ASH1L: variants seen among roughly 807,000 people sequenced by gnomAD.
ASH1L encodes ASH1 like histone lysine methyltransferase.
In ASH1L, 23 loss-of-function variants were observed where a neutral mutation model predicts 269.0. The observed-to-expected ratio is 0.09, with a 90% CI of 0.06 to 0.12. The LOEUF is 0.12. ASH1L is among the 10% of genes least tolerant of loss of function. The pLI, the probability that ASH1L is intolerant of heterozygous loss-of-function variation, is 1.00. For synonymous variants in ASH1L, 1,187 were observed against 1,253.5 expected, an observed-to-expected ratio of 0.95 and a Z score of 1.12; for missense variants, 2,912 against 3,567.8, an observed-to-expected ratio of 0.82 and a Z score of 4.68.
At chr1:155,546,218 C>T (rs1470386304) in intron 1 of ASH1L, among the ~76,000 whole-genome samples, 1 of 148,776 alleles carries the variant, frequency 6.7e-6, no homozygotes, top group Non-Finnish European at 1.5e-5. Context: ...GTGGTCCCAG[C>T]TACGTGGTAG....
rs142371619 is a variant in ASH1L at position 155,357,629 on chromosome 1, G to A, written c.6916C>T (p.Arg2306Trp). 94 of 1,613,854 alleles carry A rather than the reference G, an allele frequency of 5.8e-5. No individual in the cohort carries two copies. The highest frequency in any genetic ancestry group is 2.2e-4 in the East Asian group (10 of 44,872). ...TTAGACTTTCTCTTCTCTTTTGACC[G>A]TCCAGATTTTTTGTGTGTGGCCATG... The part of the protein sequence containing the change: ...QPMATHKKSG[R>W]SKEKRKSKHK... The change falls in exon 14 of 28, where the codon CGG becomes TGG. Residue 2306 changes from arginine to tryptophan, a missense_variant. Physicochemically the swap from Arg to Trp is moderately radical, Grantham distance 101 (BLOSUM62 -3). Transcript: ENST00000392403.
intron 6 of ASH1L, among the ~76,000 whole-genome samples, chr1:155,401,724 G>C (rs1020067408): frequency 1.3e-5 from 2 of 151,936 alleles, no homozygotes; most frequent in African/African-American, 4.8e-5. Flanking sequence ...GGAGGTGGAG[G>C]TTACAGAAAG....
chr1:155,461,565 T>A (rs1429362318), intron 3 of ASH1L, among the ~76,000 whole-genome samples: 1 of 152,166 alleles, frequency 6.6e-6, no homozygotes, highest in Non-Finnish European at 1.5e-5. Context: ...GATGAGATAT[T>A]TCCATTAAAT....
chr1:155,352,320 AAGAC>A (rs1409965894), intron 17 of ASH1L, among the ~76,000 whole-genome samples: 2 of 151,130 alleles, frequency 1.3e-5, no homozygotes, highest in South Asian at 4.2e-4. Flanking sequence ...AAAAAAAAAA[AAGAC>A]AGAATGCAGA....
intron 2 of ASH1L, among the ~76,000 whole-genome samples, chr1:155,494,597 G>A (rs2148774763): frequency 6.6e-6 from 1 of 152,252 alleles, no homozygotes; most frequent in East Asian, 1.9e-4. Flanking sequence ...AATTAATTAG[G>A]CAATTAGGTT....
intron 12 of ASH1L, among the ~76,000 whole-genome samples, chr1:155,367,958 T>C (rs1039429978): frequency 1.3e-5 from 2 of 152,206 alleles, no homozygotes; most frequent in Non-Finnish European, 1.5e-5. Flanking sequence ...GCTAGTTTTA[T>C]AGAAGCAAAG....
intron 15 of ASH1L, among the ~76,000 whole-genome samples, chr1:155,355,728 G>C (rs776532260): frequency 1.3e-5 from 2 of 152,074 alleles, no homozygotes; most frequent in East Asian, 1.9e-4. Context: ...AACTCAAAGG[G>C]AAATAGAATG....
chr1:155,532,345 T>C (rs1221277162), intron 1 of ASH1L, among the ~76,000 whole-genome samples: 2 of 152,180 alleles, frequency 1.3e-5, no homozygotes, highest in South Asian at 2.1e-4. Context: ...TAATAGGACA[T>C]ATACATTGTA....
Position 155,561,274 on chromosome 1 carries a change from T to C in ASH1L, c.-100+879A>G, listed in dbSNP as rs540881710. 5.9e-3 allele frequency among the ~76,000 whole-genome samples: 869 copies of C among 148,538 alleles called. 8 individuals are homozygous for C. Among genetic ancestry groups the C allele is most frequent in the African/African-American group, 0.021 (841 of 40,974 alleles). Reference sequence around the variant, plus strand: ...CCACCCATTCTTTACAACTTTGTAGTAATGATTCTGTTAAAGATATTTTGG... The same window carrying C: ...CCACCCATTCTTTACAACTTTGTAGCAATGATTCTGTTAAAGATATTTTGG... On this transcript the variant is annotated intron_variant, in intron 1 of 27. Coordinates refer to ENST00000392403, the MANE Select transcript of ASH1L (RefSeq NM_018489.3).
At chr1:155,359,266 T>G (rs1654721367) in intron 13 of ASH1L, among the ~76,000 whole-genome samples, 1 of 152,130 alleles carries the variant, frequency 6.6e-6, no homozygotes, top group African/African-American at 2.4e-5. Context: ...GTGCCCAGGC[T>G]CCCATGTACT....
At position 155,547,078 on chromosome 1, in the gene ASH1L, G is replaced by A. The variant is rs539824203; in HGVS notation, c.-100+15075C>T. Reference sequence around the variant, plus strand: ...AGCAATTCTCCTGCCTCAGCCTCCCGAGTAACTGGGACTACAGGCATGTGC... The same window carrying A: ...AGCAATTCTCCTGCCTCAGCCTCCCAAGTAACTGGGACTACAGGCATGTGC... On this transcript the variant is annotated intron_variant, in intron 1 of 27. Coordinates refer to ENST00000392403, the MANE Select transcript of ASH1L (RefSeq NM_018489.3). Among the ~76,000 whole-genome samples, 7 of 144,934 alleles carry A rather than the reference G, an allele frequency of 4.8e-5. No individual in the cohort carries two copies. In the East Asian group the frequency reaches 6.5e-4, roughly 14 times the overall value.
intron 2 of ASH1L, among the ~76,000 whole-genome samples, chr1:155,490,234 G>A (rs1207440713): frequency 6.6e-6 from 1 of 151,816 alleles, no homozygotes; most frequent in Non-Finnish European, 1.5e-5. Context: ...AAAGTGCTGG[G>A]ATTACAGGTG....
At chr1:155,494,377 C>T (rs1029859702) in intron 2 of ASH1L, among the ~76,000 whole-genome samples, 3 of 151,964 alleles carry the variant, frequency 2.0e-5, no homozygotes, top group Non-Finnish European at 4.4e-5. Flanking sequence ...GGAAGCCATT[C>T]GAAGATTTTA....
Position 155,357,730 on chromosome 1 carries a change from A to G in ASH1L, c.6815T>C (p.Phe2272Ser). The G allele has an allele frequency of 6.2e-7, 1 of 1,612,788 alleles. No individual in the cohort carries two copies. Among genetic ancestry groups the G allele is most frequent in the Non-Finnish European group, 8.5e-7 (1 of 1,179,682 alleles). ...TCCGATGATTCCTCGACATTTCTCAAAGCCACACTTACAAAGTTGCTTTGA... is the reference window on the plus strand; with the variant it reads ...TCCGATGATTCCTCGACATTTCTCAGAGCCACACTTACAAAGTTGCTTTGA... ...VEKQQLCKCG[F>S]EKCRGIIGGK... Residue 2272 changes from phenylalanine to serine, a missense_variant, in exon 14 of 28, where the codon TTT becomes TCT. By Grantham distance (155) the Phe-to-Ser change is radical (BLOSUM62 -2). Coordinates refer to ENST00000392403, the MANE Select transcript of ASH1L (RefSeq NM_018489.3).
intron 20 of ASH1L, among the ~76,000 whole-genome samples, chr1:155,346,714 T>G (rs1225975233): frequency 1.3e-5 from 2 of 152,164 alleles, no homozygotes; most frequent in South Asian, 4.1e-4. Context: ...AATGGGGAGA[T>G]GGACAGAGAA....
chr1:155,390,517 T>C (rs1029555248), intron 7 of ASH1L, among the ~76,000 whole-genome samples: 3 of 151,988 alleles, frequency 2.0e-5, no homozygotes, highest in Non-Finnish European at 4.4e-5. Flanking sequence ...ACAAAGACTT[T>C]AAAAGAAAAA....
At position 155,481,635 on chromosome 1, in the gene ASH1L, G is replaced by T; in HGVS notation, c.1235C>A (p.Pro412His). The T allele has an allele frequency of 4.3e-6, 7 of 1,614,104 alleles. No homozygotes were observed. Among genetic ancestry groups the T allele is most frequent in the Non-Finnish European group, 5.9e-6 (7 of 1,180,028 alleles). The change falls in exon 3 of 28, where the codon CCT becomes CAT. Residue 412 changes from proline (P) to histidine (H), a missense_variant. Pro to His is a moderately conservative substitution (Grantham distance 77). This residue lies in a region of ASH1L where 715 missense variants were observed against 721.0 expected (regional missense o/e 0.99). Transcript: ENST00000392403. ...ATCTTTACTGATCAGACCTGCCAAA[G>T]GACAACTCATTAGTTTCTTTCCAAT... Reference protein sequence around the residue: ...KDIGKKLMSCPLAGLISKDAI... With the variant: ...KDIGKKLMSCHLAGLISKDAI...
intron 4 of ASH1L, among the ~76,000 whole-genome samples, chr1:155,439,419 T>G (rs1202927782): frequency 6.6e-6 from 1 of 151,674 alleles, no homozygotes; most frequent in Non-Finnish European, 1.5e-5. Context: ...GGATAAAGAG[T>G]GGGCACAGTG....
intron 3 of ASH1L, among the ~76,000 whole-genome samples, chr1:155,460,716 CTG>C (rs1664238343): frequency 6.6e-6 from 1 of 152,144 alleles, no homozygotes; most frequent in South Asian, 2.1e-4. Context: ...TCTAGAAAAA[CTG>C]GTAATTAATT....
Sources: gnomAD v4.1 joint callset for allele counts (sites outside exome capture counted in the v4.1 genomes callset) on GRCh38, gnomAD v4.1.1 for gene constraint, gnomAD v4.1.1 regional missense constraint, MANE v1.5 for transcripts, NCBI Gene and HGNC (gene_info 2026-07-23, HGNC 2026-07-21) for gene names.